The following GRID1 variants were observed in gnomAD, a reference collection of about 807,000 sequenced individuals.
GRID1 encodes the protein glutamate ionotropic receptor delta type subunit 1.
A neutral mutation model predicts 98.0 loss-of-function variants in GRID1; 28 were observed. The ratio of observed to expected loss-of-function variants is 0.29; its 90% CI spans 0.21 to 0.39. The LOEUF (loss-of-function observed/expected upper bound fraction) is 0.39, where lower values mean the gene tolerates loss of function less well. Among genes scored for constraint, GRID1 ranks in the 10% least tolerant of loss-of-function variants. The pLI, the probability that GRID1 is intolerant of heterozygous loss-of-function variation, is 1.00. For synonymous variants in GRID1, 553 were observed against 538.5 expected, an observed-to-expected ratio of 1.03 and a Z score of -0.37; for missense variants, 1,111 against 1,340.5, an observed-to-expected ratio of 0.83 and a Z score of 2.67.
chr10:85,925,731 C>T (rs1223007967), intron 4 of GRID1, among the ~76,000 whole-genome samples: 1 of 152,224 alleles, frequency 6.6e-6, no homozygotes, highest in African/African-American at 2.4e-5. Flanking sequence ...TCCCTCCCTC[C>T]CAGTGCAGCT....
At chr10:85,711,437 C>G (rs1275922934) in intron 12 of GRID1, among the ~76,000 whole-genome samples, 1 of 151,806 alleles carries the variant, frequency 6.6e-6, no homozygotes, top group Non-Finnish European at 1.5e-5. Context: ...CAAATTTATA[C>G]AGACAGAAAA....
chr10:85,813,721 T>C (rs780892583), intron 8 of GRID1, among the ~76,000 whole-genome samples: 15 of 151,862 alleles, frequency 9.9e-5, no homozygotes, highest in Non-Finnish European at 2.2e-4. Flanking sequence ...AGTAAATATC[T>C]AGGCTATTTT....
intron 12 of GRID1, among the ~76,000 whole-genome samples, chr10:85,708,019 C>G (rs529626526): frequency 3.3e-5 from 5 of 150,434 alleles, no homozygotes; most frequent in African/African-American, 1.2e-4. Context: ...TGTTAAATGA[C>G]GAGTTAATGA....
At chr10:85,647,101 C>T (rs1003812973) in intron 13 of GRID1, 101 bp downstream of exon 13, 8 of 883,144 alleles carry the variant, frequency 9.1e-6, no homozygotes, top group Non-Finnish European at 1.1e-5. Flanking sequence ...GGTAACAGGG[C>T]TGCTCAGAGG....
intron 5 of GRID1, among the ~76,000 whole-genome samples, chr10:85,901,227 T>TTTTATTTTATTTA (rs1554838758): frequency 2.7e-5 from 4 of 146,274 alleles, no homozygotes; most frequent in African/African-American, 1.0e-4. Flanking sequence ...TTTTATTTTA[T>TTTTATTTTATTTA]TTTATTTATT....
intron 5 of GRID1, among the ~76,000 whole-genome samples, chr10:85,905,032 C>T (rs1042309878): frequency 6.6e-5 from 10 of 151,658 alleles, no homozygotes; most frequent in Admixed American, 3.3e-4. Context: ...AAAGTGCAGG[C>T]ACACACACAA....
In GRID1 at chr10:85,916,229, G is replaced by T; in HGVS notation, c.737C>A (p.Thr246Asn). The change falls in exon 5 of 16, where the codon ACC (threonine) becomes AAC (asparagine). Residue 246 changes from threonine (T) to asparagine (N), a missense_variant. By Grantham distance (65) the Thr-to-Asn change is moderately conservative. This residue lies in a region of GRID1 where 346 missense variants were observed against 452.3 expected (regional missense o/e 0.76). Coordinates refer to ENST00000327946, the MANE Select transcript of GRID1 (RefSeq NM_017551.3). The surrounding 1 kb of genome is among the most constrained non-coding windows in gnomAD (Gnocchi z 4.0). ...AHSFINEAVE[T>N]NLASKDSHWV... ...GTGGCTGTCCTTGGAAGCCAGGTTG[G>T]TCTCCACGGCCTGCAGAGAGAAAAA... 1 of 1,613,168 alleles carries T rather than the reference G, an allele frequency of 6.2e-7. No homozygotes were observed. Among genetic ancestry groups the T allele is most frequent in the Admixed American group, 1.7e-5 (1 of 60,022 alleles).
intron 12 of GRID1, among the ~76,000 whole-genome samples, chr10:85,699,595 T>C (rs953118097): frequency 6.6e-6 from 1 of 152,212 alleles, no homozygotes; most frequent in African/African-American, 2.4e-5. Context: ...ATTTTCAGTT[T>C]ATTAAAAGAC....
intron 8 of GRID1, among the ~76,000 whole-genome samples, chr10:85,850,843 G>T (rs1427345272): frequency 6.6e-6 from 1 of 152,186 alleles, no homozygotes; most frequent in Non-Finnish European, 1.5e-5. Context: ...GTTCAGAAAA[G>T]GGAAGTTGTG....
chr10:86,036,546 C>T (rs1359383400), intron 4 of GRID1, among the ~76,000 whole-genome samples: 1 of 152,184 alleles, frequency 6.6e-6, no homozygotes, highest in Non-Finnish European at 1.5e-5. Flanking sequence ...GCCAGAGGTA[C>T]AGAACTGATT....
intron 5 of GRID1, among the ~76,000 whole-genome samples, chr10:85,905,519 G>A (rs768939601): frequency 2.1e-4 from 32 of 152,132 alleles, no homozygotes; most frequent in Non-Finnish European, 3.5e-4. Flanking sequence ...CTCTTTAAAA[G>A]ATAACTGACT....
intron 13 of GRID1, among the ~76,000 whole-genome samples, chr10:85,629,114 T>C (rs1023569972): frequency 6.6e-6 from 1 of 152,182 alleles, no homozygotes; most frequent in East Asian, 1.9e-4. Flanking sequence ...GGTATTCCTG[T>C]GTCCTAGAGT....
At chr10:85,820,027 A>AAGGAAGGCAGGAAGGC (rs1564600207) in intron 8 of GRID1, among the ~76,000 whole-genome samples, 1 of 66,498 alleles carries the variant, frequency 1.5e-5, no homozygotes, top group South Asian at 5.1e-4. Flanking sequence ...GGAAGGAAGG[A>AAGGAAGGCAGGAAGGC]AGGCAGGCAG....
chr10:86,070,051 G>A (rs909990029), intron 4 of GRID1, among the ~76,000 whole-genome samples: 1 of 152,208 alleles, frequency 6.6e-6, no homozygotes, highest in African/African-American at 2.4e-5. Context: ...GTAGAGAGGT[G>A]CTGTGGTTGT....
intron 13 of GRID1, among the ~76,000 whole-genome samples, chr10:85,632,528 G>C (rs1023925539): frequency 6.6e-6 from 1 of 151,246 alleles, no homozygotes; most frequent in Non-Finnish European, 1.5e-5. Flanking sequence ...TTGGAACAAG[G>C]CCCACCCTTT....
intron 2 of GRID1, among the ~76,000 whole-genome samples, chr10:86,331,838 C>T (rs909000918): frequency 2.0e-5 from 3 of 152,216 alleles, no homozygotes; most frequent in African/African-American, 7.2e-5. Context: ...AAAGCAAAGC[C>T]ACTGCCTATT....
chr10:85,637,864 A>G (rs936419749), intron 13 of GRID1, among the ~76,000 whole-genome samples: 2 of 152,182 alleles, frequency 1.3e-5, no homozygotes, highest in African/African-American at 4.8e-5. Flanking sequence ...TTCCCACATT[A>G]AATCAATTGC....
At chr10:85,914,497 G>A (rs1841584681) in intron 5 of GRID1, among the ~76,000 whole-genome samples, 1 of 152,102 alleles carries the variant, frequency 6.6e-6, no homozygotes, top group South Asian at 2.1e-4. Context: ...GAAAACAGGA[G>A]GCGGCAGTCA....
At position 85,638,521 on chromosome 10, in the gene GRID1, G is replaced by C. The variant is rs183381517; in HGVS notation, c.2193+8681C>G. Among the ~76,000 whole-genome samples, 88 of 152,274 alleles carry C rather than the reference G, an allele frequency of 5.8e-4. 1 individual carries two copies. Among genetic ancestry groups the C allele is most frequent in the African/African-American group, 2.1e-3 (87 of 41,560 alleles). The stretch of plus-strand genomic sequence containing the variant: ...TTATATGGATCAATGGAACAGAATA[G>C]AGAGTCCAGAAATAGACCAACACAT... On this transcript the variant is annotated intron_variant, in intron 13 of 15. Coordinates refer to ENST00000327946, the MANE Select transcript of GRID1 (RefSeq NM_017551.3).
Sources: allele counts gnomAD v4.1 joint callset (sites outside exome capture counted in the v4.1 genomes callset), GRCh38; gene constraint gnomAD v4.1.1; regional missense constraint gnomAD v4.1.1; non-coding constraint Gnocchi (gnomAD v3.1); transcripts MANE v1.5; gene names NCBI Gene and HGNC (gene_info 2026-07-23, HGNC 2026-07-21).